SGCZ: variants seen among roughly 807,000 people sequenced by gnomAD.
SGCZ encodes the protein zeta-sarcoglycan.
Under a neutral mutation model 41.3 loss-of-function variants are expected in SGCZ, and 40 were observed. That is an observed-to-expected ratio of 0.97 (90% confidence interval 0.75 to 1.26). SGCZ has a LOEUF of 1.26. Among genes scored for constraint, SGCZ ranks in the 50% most tolerant of loss-of-function variants. The probability of loss-of-function intolerance (pLI) is 0.00; values close to 1 mark genes in which losing one functional copy is unlikely to be tolerated. For synonymous variants in SGCZ, 206 were observed against 137.5 expected (o/e 1.50, Z -3.49); for missense variants, 552 against 369.8 (o/e 1.49, Z -4.04).
intron 4 of SGCZ, among the ~76,000 whole-genome samples, chr8:14,204,280 G>GTTTTTTTT (rs11384632): frequency 2.7e-5 from 4 of 146,352 alleles, no homozygotes; most frequent in African/African-American, 5.0e-5. Context: ...CACTCTGAAT[G>GTTTTTTTT]TTTTTTTTTT....
At chr8:14,721,247 T>A (rs777505398) in intron 1 of SGCZ, among the ~76,000 whole-genome samples, 1 of 152,200 alleles carries the variant, frequency 6.6e-6, no homozygotes, top group African/African-American at 2.4e-5. Context: ...AAATATTATC[T>A]ATAAACTGAA....
chr8:14,214,517 A>G (rs1805924672), intron 4 of SGCZ, among the ~76,000 whole-genome samples: 1 of 152,184 alleles, frequency 6.6e-6, no homozygotes, highest in Non-Finnish European at 1.5e-5. Flanking sequence ...AACTTTCTGT[A>G]CTAGTTTTAC....
intron 2 of SGCZ, among the ~76,000 whole-genome samples, chr8:14,462,559 G>T (rs1051078749): frequency 4.0e-5 from 6 of 151,830 alleles, no homozygotes; most frequent in African/African-American, 4.8e-5. Flanking sequence ...TAAAAATTCT[G>T]TATTCTATTC....
At chr8:14,902,933 GA>G (rs1799013927) in intron 1 of SGCZ, among the ~76,000 whole-genome samples, 1 of 152,014 alleles carries the variant, frequency 6.6e-6, no homozygotes, top group Non-Finnish European at 1.5e-5. Context: ...TTAGAAAAAC[GA>G]TTTGTATTGG....
chr8:14,937,619 C>A (rs777862943), intron 1 of SGCZ, among the ~76,000 whole-genome samples: 3 of 151,994 alleles, frequency 2.0e-5, no homozygotes, highest in Admixed American at 6.6e-5. Flanking sequence ...ATAGAGGAAC[C>A]AATGCAAAAT....
rs549804768 is a variant in SGCZ at position 14,683,765 on chromosome 8, T to A, written c.40-128839A>T. On this transcript the variant is annotated intron_variant, in intron 1 of 7. Coordinates refer to ENST00000382080, the MANE Select transcript of SGCZ (RefSeq NM_139167.4). ...TGAGCTTTTTCAAAAAATATTGCCA[T>A]CATTCTTGTACAGAACCATAGCATT... 3.2e-4 allele frequency among the ~76,000 whole-genome samples: 48 copies of A among 152,268 alleles called. No homozygotes were observed. The South Asian group carries it at 9.5e-3, about 30-fold the overall frequency.
chr8:15,219,009 G>A (rs989056744), intron 1 of SGCZ, among the ~76,000 whole-genome samples: 2 of 152,050 alleles, frequency 1.3e-5, no homozygotes, highest in Non-Finnish European at 2.9e-5. Flanking sequence ...GATTACATTC[G>A]TTTTCTCCTC....
chr8:14,961,124 T>C (rs1455313068), intron 1 of SGCZ, among the ~76,000 whole-genome samples: 1 of 152,192 alleles, frequency 6.6e-6, no homozygotes, highest in East Asian at 1.9e-4. Context: ...TGAAATTCAC[T>C]GAATTGTATC....
In SGCZ at chr8:14,369,119, A is replaced by G. The variant is rs73664324; in HGVS notation, c.235-44915T>C. Among the ~76,000 whole-genome samples the G allele has an allele frequency of 1.6e-3, 246 of 151,956 alleles. 1 individual carries two copies. The highest frequency in any genetic ancestry group is 5.6e-3 in the African/African-American group (234 of 41,468). On this transcript the variant is annotated intron_variant, in intron 2 of 7. Transcript: ENST00000382080. ...GTACAAATATGAAAATTGGGAAATT[A>G]ACACCTATAGTGATATTATATAATG...
chr8:14,729,885 G>C (rs1021773483), intron 1 of SGCZ, among the ~76,000 whole-genome samples: 3 of 152,222 alleles, frequency 2.0e-5, no homozygotes, highest in African/African-American at 7.2e-5. Flanking sequence ...AGGATTTCAG[G>C]ACCAGCCTGG....
At chr8:14,439,807 C>T (rs1440400670) in intron 2 of SGCZ, among the ~76,000 whole-genome samples, 1 of 151,892 alleles carries the variant, frequency 6.6e-6, no homozygotes, top group Non-Finnish European at 1.5e-5. Flanking sequence ...AAGCCTGGAA[C>T]TTATATTATG....
At chr8:15,218,564 C>A (rs1266907724) in intron 1 of SGCZ, among the ~76,000 whole-genome samples, 1 of 152,196 alleles carries the variant, frequency 6.6e-6, no homozygotes, top group Non-Finnish European at 1.5e-5. Context: ...ACACTCTAGT[C>A]TCATCCCAGG....
Position 14,553,230 on chromosome 8 carries a change from T to C in SGCZ, c.234+1502A>G, listed in dbSNP as rs559631761. On this transcript the variant is annotated intron_variant, in intron 2 of 7. Coordinates refer to ENST00000382080, the MANE Select transcript of SGCZ (RefSeq NM_139167.4). ...AGAGTTGTTGATATTTGTGTCAAAA[T>C]ATTCCCAAATGAGAGGGTAAAGTGA... Among the ~76,000 whole-genome samples, 3 of 152,066 alleles carry C rather than the reference T, an allele frequency of 2.0e-5. No individual in the cohort carries two copies. In the South Asian group the frequency reaches 6.2e-4, roughly 32 times the overall value.
intron 2 of SGCZ, among the ~76,000 whole-genome samples, chr8:14,480,619 A>G (rs907417958): frequency 6.6e-6 from 1 of 152,110 alleles, no homozygotes; most frequent in African/African-American, 2.4e-5. Context: ...TCAGTAACAG[A>G]GCTCGGGGCT....
At chr8:14,494,691 G>A (rs754528662) in intron 2 of SGCZ, among the ~76,000 whole-genome samples, 4 of 152,162 alleles carry the variant, frequency 2.6e-5, no homozygotes, top group Non-Finnish European at 5.9e-5. Flanking sequence ...AAACAACGTT[G>A]TTGCTGAAAG....
chr8:14,129,301 G>T (rs546619824), intron 5 of SGCZ, among the ~76,000 whole-genome samples: 2 of 134,132 alleles, frequency 1.5e-5, no homozygotes, highest in Admixed American at 8.9e-5. Context: ...AGCCAAGATC[G>T]TGCCATTGCA....
At chr8:15,060,031 T>C (rs1804860413) in intron 1 of SGCZ, among the ~76,000 whole-genome samples, 1 of 152,170 alleles carries the variant, frequency 6.6e-6, no homozygotes, top group East Asian at 1.9e-4. Flanking sequence ...CTCAGGGCTT[T>C]GTTTGCAGCA....
chr8:14,889,930 G>A (rs934718328), intron 1 of SGCZ, among the ~76,000 whole-genome samples: 1 of 152,088 alleles, frequency 6.6e-6, no homozygotes, highest in Non-Finnish European at 1.5e-5. Context: ...TAAGCCTTAT[G>A]AGGAAGACCT....
intron 5 of SGCZ, among the ~76,000 whole-genome samples, chr8:14,154,096 C>A (rs945772961): frequency 1.3e-5 from 2 of 152,122 alleles, no homozygotes; most frequent in East Asian, 1.9e-4. Context: ...TCTGGCCGGG[C>A]CCGGTGGCTC....
Sources: gnomAD v4.1 joint callset for allele counts (sites outside exome capture counted in the v4.1 genomes callset) on GRCh38, gnomAD v4.1.1 for gene constraint, MANE v1.5 for transcripts, NCBI Gene and HGNC (gene_info 2026-07-23, HGNC 2026-07-21) for gene names.